Variants in ITGB5 observed in about 807,000 individuals in gnomAD.
ITGB5 encodes the protein integrin subunit beta 5.
A neutral mutation model predicts 84.8 loss-of-function variants in ITGB5; 38 were observed. The ratio of observed to expected loss-of-function variants is 0.45; its 90% CI spans 0.35 to 0.59. The LOEUF is 0.59. Among genes scored for constraint, ITGB5 ranks in the 20% least tolerant of loss-of-function variants. ITGB5 has a pLI of 0.01. For missense variants in ITGB5, 905 were observed against 1,034.5 expected (o/e 0.87, Z 1.72); for synonymous variants, 393 against 414.4 (o/e 0.95, Z 0.63).
intron 3 of ITGB5, among the ~76,000 whole-genome samples, chr3:124,850,873 G>A (rs1288538449): frequency 2.6e-5 from 4 of 152,148 alleles, no homozygotes; most frequent in African/African-American, 9.7e-5. Flanking sequence ...GGAGGGGCAG[G>A]GAAGAGGGGG....
intron 10 of ITGB5, among the ~76,000 whole-genome samples, chr3:124,783,289 T>TC (rs2064031970): frequency 1.8e-5 from 1 of 54,564 alleles, no homozygotes; most frequent in Non-Finnish European, 3.3e-5. Context: ...AGACTCCGTC[T>TC]CAAAAAAAAA....
chr3:124,797,311 C>G (rs764358083), intron 9 of ITGB5, among the ~76,000 whole-genome samples: 1 of 152,216 alleles, frequency 6.6e-6, no homozygotes, highest in Non-Finnish European at 1.5e-5. Flanking sequence ...CCACCTGGCC[C>G]GCCATAGAGA....
chr3:124,777,903 A>G (rs2063947874), intron 10 of ITGB5, among the ~76,000 whole-genome samples: 1 of 152,200 alleles, frequency 6.6e-6, no homozygotes, highest in Non-Finnish European at 1.5e-5. Flanking sequence ...GATTGCCTGC[A>G]TCTTCTGGTC....
chr3:124,808,481 G>A (rs1317537062), intron 9 of ITGB5, among the ~76,000 whole-genome samples: 3 of 152,150 alleles, frequency 2.0e-5, no homozygotes, highest in South Asian at 4.1e-4. Flanking sequence ...TTGGTTTAGC[G>A]CAGAGGCACA....
At chr3:124,820,499 T>C (rs1205351681) in intron 6 of ITGB5, among the ~76,000 whole-genome samples, 1 of 152,122 alleles carries the variant, frequency 6.6e-6, no homozygotes, top group Non-Finnish European at 1.5e-5. Context: ...GGTCCTACAG[T>C]TATAGTCCTT....
At chr3:124,880,307 A>G (rs1258301583) in intron 1 of ITGB5, among the ~76,000 whole-genome samples, 1 of 152,244 alleles carries the variant, frequency 6.6e-6, no homozygotes, top group Admixed American at 6.5e-5. Context: ...TAATAATAAC[A>G]TATCAATATG....
chr3:124,811,091 C>T (rs1271466871), intron 8 of ITGB5, among the ~76,000 whole-genome samples: 2 of 152,100 alleles, frequency 1.3e-5, no homozygotes, highest in African/African-American at 2.4e-5. Context: ...AAATATGATC[C>T]GTCTTAAATC....
chr3:124,897,663 G>GA (rs1373915584), intron 1 of ITGB5, among the ~76,000 whole-genome samples: 1 of 152,168 alleles, frequency 6.6e-6, no homozygotes, highest in Non-Finnish European at 1.5e-5. Context: ...ACAAAATAAA[G>GA]AAAAATTTTT....
chr3:124,845,870 C>G (rs774074748), intron 4 of ITGB5, among the ~76,000 whole-genome samples: 4 of 152,174 alleles, frequency 2.6e-5, no homozygotes, highest in Non-Finnish European at 5.9e-5. Flanking sequence ...AGTTAAGATG[C>G]TGTTGCTCCT....
At chr3:124,783,096 AC>A (rs1488644874) in intron 10 of ITGB5, among the ~76,000 whole-genome samples, 3 of 151,350 alleles carry the variant, frequency 2.0e-5, no homozygotes, top group African/African-American at 7.3e-5. Flanking sequence ...TTCGAGACAA[AC>A]CTGGGCAACA....
upstream of ITGB5, among the ~76,000 whole-genome samples, chr3:124,888,762 C>A (rs1261185759): frequency 6.6e-6 from 1 of 152,156 alleles, no homozygotes; most frequent in Non-Finnish European, 1.5e-5. Context: ...AGGGGTCTCA[C>A]CTTTGCAGGC....
chr3:124,887,920 CTT>C (rs747964036), upstream of ITGB5: 3,791 of 194,198 alleles, frequency 0.02, no homozygotes, highest in South Asian at 0.051. Flanking sequence ...TTTTTCTTTT[CTT>C]TTTTTTTTTT....
chr3:124,838,748 CCT>C (rs2107589735), intron 5 of ITGB5, among the ~76,000 whole-genome samples: 1 of 152,152 alleles, frequency 6.6e-6, no homozygotes, highest in South Asian at 2.1e-4. Flanking sequence ...ACTACAGGCG[CCT>C]GCCACCACGC....
chr3:124,845,484 A>T (rs971391984), intron 4 of ITGB5, among the ~76,000 whole-genome samples: 1 of 152,226 alleles, frequency 6.6e-6, no homozygotes, highest in African/African-American at 2.4e-5. Context: ...CACATAACTC[A>T]GGCCCGAGGT....
intron 10 of ITGB5, among the ~76,000 whole-genome samples, chr3:124,776,309 T>C (rs1156501641): frequency 6.6e-6 from 1 of 152,140 alleles, no homozygotes; most frequent in Non-Finnish European, 1.5e-5. Context: ...CGGGGAGCCT[T>C]CACAGGTGAA....
At chr3:124,829,923 C>T (rs58968056) in intron 5 of ITGB5, among the ~76,000 whole-genome samples, 2,164 of 152,262 alleles carry the variant, frequency 0.014, 41 homozygotes, top group African/African-American at 0.05. Flanking sequence ...TGACCTCACT[C>T]TCAGTCATCC....
intron 4 of ITGB5, among the ~76,000 whole-genome samples, chr3:124,842,588 G>A (rs984599065): frequency 2.6e-5 from 4 of 152,204 alleles, no homozygotes; most frequent in Admixed American, 1.3e-4. Context: ...GAGGATGGGC[G>A]AGGAGGAGCC....
intron 8 of ITGB5, among the ~76,000 whole-genome samples, chr3:124,810,226 T>C (rs2064476467): frequency 6.6e-6 from 1 of 152,184 alleles, no homozygotes; most frequent in Admixed American, 6.5e-5. Flanking sequence ...AATATAACAT[T>C]ACTAGAAAGA....
intron 1 of ITGB5, among the ~76,000 whole-genome samples, chr3:124,885,867 C>T (rs1207912054): frequency 6.6e-6 from 1 of 152,258 alleles, no homozygotes; most frequent in Non-Finnish European, 1.5e-5. Context: ...ACCTAAACCT[C>T]CACTGCCTTC....
Sources: gnomAD v4.1 joint callset for allele counts (sites outside exome capture counted in the v4.1 genomes callset) on GRCh38, gnomAD v4.1.1 for gene constraint, MANE v1.5 for transcripts, NCBI Gene and HGNC (gene_info 2026-07-23, HGNC 2026-07-21) for gene names.